Variants in RCL1 observed in about 807,000 individuals in gnomAD.
RCL1 encodes the protein RNA 3'-terminal phosphate cyclase-like protein.
A neutral mutation model predicts 42.4 loss-of-function variants in RCL1; 24 were observed. The ratio of observed to expected loss-of-function variants is 0.57; its 90% confidence interval spans 0.41 to 0.80. The LOEUF (loss-of-function observed/expected upper bound fraction) is 0.80. RCL1 is among the 30% of genes least tolerant of loss of function. The probability of loss-of-function intolerance (pLI) is 0.00; values close to 1 mark genes in which losing one functional copy is unlikely to be tolerated. For synonymous variants in RCL1, 228 were observed against 177.3 expected, an observed-to-expected ratio of 1.29 and a Z score of -2.27; for missense variants, 578 against 467.9, an observed-to-expected ratio of 1.24 and a Z score of -2.17.
chr9:4,825,813 G>A (rs1374285311), intron 2 of RCL1, among the ~76,000 whole-genome samples: 2 of 151,966 alleles, frequency 1.3e-5, no homozygotes, highest in Non-Finnish European at 2.9e-5. Flanking sequence ...TGAGATGGGA[G>A]TAAGAAGCTT....
chr9:4,796,625 C>G (rs1284559670), intron 1 of RCL1, among the ~76,000 whole-genome samples: 1 of 152,158 alleles, frequency 6.6e-6, no homozygotes, highest in Non-Finnish European at 1.5e-5. Context: ...GTCTTGAACT[C>G]CTGGACTCAA....
At chr9:4,849,929 G>T (rs185494831) in intron 8 of RCL1, among the ~76,000 whole-genome samples, 1 of 152,046 alleles carries the variant, frequency 6.6e-6, no homozygotes, top group Admixed American at 6.5e-5. Flanking sequence ...CAGGCTTTTT[G>T]TCTAAGATGA....
chr9:4,798,573 G>A (rs1292656708), intron 1 of RCL1, among the ~76,000 whole-genome samples: 2 of 152,232 alleles, frequency 1.3e-5, no homozygotes, highest in African/African-American at 4.8e-5. Context: ...TGCTGAGGAA[G>A]CATGCCACAA....
At chr9:4,843,154 G>T (rs184817679) in intron 6 of RCL1, among the ~76,000 whole-genome samples, 87 of 152,314 alleles carry the variant, frequency 5.7e-4, no homozygotes, top group African/African-American at 2.0e-3. Context: ...ATGACTAATA[G>T]TGCTCTTCCT....
chr9:4,848,404 C>T (rs936974569), intron 7 of RCL1, among the ~76,000 whole-genome samples: 1 of 152,150 alleles, frequency 6.6e-6, no homozygotes, highest in Admixed American at 6.5e-5. Flanking sequence ...TTCAGAGTGT[C>T]TGTATCTGAA....
chr9:4,798,306 C>T (rs1001446579), intron 1 of RCL1, among the ~76,000 whole-genome samples: 8 of 152,118 alleles, frequency 5.3e-5, no homozygotes, highest in African/African-American at 1.9e-4. Flanking sequence ...GAAGAGAATC[C>T]CACCAGAATA....
chr9:4,804,883 A>G (rs565853905), intron 1 of RCL1: 97 of 153,272 alleles, frequency 6.3e-4, no homozygotes, highest in Non-Finnish European at 1.1e-3. Flanking sequence ...CGCTCTCCCA[A>G]GTCTGTCACC....
chr9:4,808,342 C>G (rs1419039235), intron 1 of RCL1, among the ~76,000 whole-genome samples: 3 of 152,072 alleles, frequency 2.0e-5, no homozygotes, highest in Non-Finnish European at 2.9e-5. Flanking sequence ...GGGTCTCCTT[C>G]TTTCATCCAA....
chr9:4,830,202 T>C (rs949015885), intron 3 of RCL1, among the ~76,000 whole-genome samples: 18 of 152,024 alleles, frequency 1.2e-4, no homozygotes, highest in African/African-American at 4.1e-4. Context: ...GTTATTGGAG[T>C]ATAAGGACAG....
At chr9:4,827,409 G>C (rs1816799133) in intron 3 of RCL1, 2 of 539,404 alleles carry the variant, frequency 3.7e-6, no homozygotes, top group Admixed American at 7.1e-5. Flanking sequence ...TTTTGGGCAG[G>C]AGATCATAGC....
At chr9:4,793,264 G>C in intron 1 of RCL1, 37 bp downstream of exon 1, 2 of 1,553,080 alleles carry the variant, frequency 1.3e-6, no homozygotes, top group Non-Finnish European at 1.7e-6. Flanking sequence ...GTGGGCGCGG[G>C]GGCTGAGGGG....
At chr9:4,800,652 A>ATTT (rs35340693) in intron 1 of RCL1, among the ~76,000 whole-genome samples, 6 of 123,930 alleles carry the variant, frequency 4.8e-5, no homozygotes, top group Admixed American at 8.2e-5. Flanking sequence ...GTGTGGATGT[A>ATTT]TTTTTTTTTT....
At chr9:4,848,665 T>C (rs1563856261) in intron 7 of RCL1, among the ~76,000 whole-genome samples, 1 of 152,240 alleles carries the variant, frequency 6.6e-6, no homozygotes, top group South Asian at 2.1e-4. Context: ...TGTATGCTTA[T>C]GTATGCGTCT....
At chr9:4,839,518 A>C (rs984468659) in intron 5 of RCL1, 8 of 213,050 alleles carry the variant, frequency 3.8e-5, no homozygotes, top group Non-Finnish European at 6.5e-5. Flanking sequence ...TCCTGGGGAC[A>C]GTGGGCAGCC....
Position 4,823,597 on chromosome 9 carries a change from T to C in RCL1, c.186T>C (p.Ser62=). 6.2e-7 allele frequency: 1 copy of C among 1,611,862 alleles called. No individual in the cohort carries two copies. The highest frequency in any genetic ancestry group is 8.5e-7 in the Non-Finnish European group (1 of 1,179,030). ...TATTGGACAAAATAACGAATGGTTCTCGAATTGAAATAAACCAAACAGGTA... is the reference window on the plus strand; with the variant it reads ...TATTGGACAAAATAACGAATGGTTCCCGAATTGAAATAAACCAAACAGGTA... The part of the protein sequence containing the change: ...IRLLDKITNG[S]RIEINQTGTT... Residue 62 remains serine (S), a synonymous_variant, in exon 2 of 9, where the codon TCT becomes TCC. Coordinates refer to ENST00000381750, the MANE Select transcript of RCL1 (RefSeq NM_005772.5).
chr9:4,836,657 T>A (rs1817145534), intron 5 of RCL1: 1 of 151,766 alleles, frequency 6.6e-6, no homozygotes, highest in African/African-American at 2.4e-5. Flanking sequence ...CGGGGGTGGG[T>A]GCTTAAGGTC....
intron 1 of RCL1, among the ~76,000 whole-genome samples, chr9:4,810,998 G>C (rs1252599934): frequency 6.6e-6 from 1 of 152,110 alleles, no homozygotes; most frequent in Non-Finnish European, 1.5e-5. Context: ...GATAAAATCA[G>C]GGTAGTTAGC....
chr9:4,859,941 A>G (rs1032896504), intron 8 of RCL1, among the ~76,000 whole-genome samples, 184 bp from the exon 9 acceptor site: 2 of 152,140 alleles, frequency 1.3e-5, no homozygotes, highest in African/African-American at 4.8e-5. Context: ...TCTGCAAACT[A>G]TCTAAATCTT....
At chr9:4,834,650 T>C (rs1287633555) in intron 5 of RCL1, among the ~76,000 whole-genome samples, 5 of 152,102 alleles carry the variant, frequency 3.3e-5, no homozygotes, top group South Asian at 2.1e-4. Flanking sequence ...TGATATAACA[T>C]GCAAAATGAT....
Sources: gnomAD v4.1 joint callset for allele counts (sites outside exome capture counted in the v4.1 genomes callset) on GRCh38, gnomAD v4.1.1 for gene constraint, MANE v1.5 for transcripts, NCBI Gene and HGNC (gene_info 2026-07-23, HGNC 2026-07-21) for gene names.